QTMAN: variants seen among roughly 807,000 people sequenced by gnomAD.
The protein encoded by QTMAN is tRNA-queuosine alpha-mannosyltransferase.
chr2:144,021,093 A>G, the QTMAN span, among the ~76,000 whole-genome samples: 2 of 152,068 alleles, frequency 1.3e-5, no homozygotes, highest in African/African-American at 4.8e-5. Flanking sequence ...AGAAAAAAAT[A>G]TAAGAAATTT....
the QTMAN span, among the ~76,000 whole-genome samples, chr2:144,105,942 G>A: frequency 1.3e-5 from 2 of 152,258 alleles, no homozygotes; most frequent in South Asian, 2.1e-4. Context: ...AGAGTGGGGG[G>A]CCAATATTCA....
the QTMAN span, among the ~76,000 whole-genome samples, chr2:144,153,186 G>C: frequency 2.0e-5 from 3 of 152,098 alleles, no homozygotes; most frequent in Non-Finnish European, 4.4e-5. Flanking sequence ...TAAGAAGTTT[G>C]TACTTTATCT....
chr2:144,279,290 G>T, the QTMAN span, among the ~76,000 whole-genome samples: 1 of 151,146 alleles, frequency 6.6e-6, no homozygotes, highest in East Asian at 1.9e-4. Context: ...ATGTTTTCCA[G>T]GAAGAGTGAA....
chr2:143,970,869 TG>T, the QTMAN span: 1 of 669,338 alleles, frequency 1.5e-6, no homozygotes, highest in Non-Finnish European at 2.7e-6. Context: ...TACTGCTGGT[TG>T]GGGAGCCTCT....
the QTMAN span, among the ~76,000 whole-genome samples, chr2:144,129,221 AC>A: frequency 2.0e-5 from 3 of 152,040 alleles, no homozygotes; most frequent in African/African-American, 7.2e-5. Flanking sequence ...GCAGATTTGC[AC>A]TGGATTTGAA....
chr2:143,990,051 G>A, the QTMAN span, among the ~76,000 whole-genome samples: 3 of 152,096 alleles, frequency 2.0e-5, no homozygotes, highest in Admixed American at 1.3e-4. Context: ...CAGTGTGGGG[G>A]GCTTGCACAT....
At chr2:144,250,132 T>G in the QTMAN span, among the ~76,000 whole-genome samples, 116 of 144,446 alleles carry the variant, frequency 8.0e-4, no homozygotes, top group African/African-American at 2.7e-3. Context: ...TGTTTTTTTT[T>G]TTTGTTTGTT....
chr2:144,332,397 C>G, the QTMAN span: 1 of 148,608 alleles, frequency 6.7e-6, no homozygotes, highest in Non-Finnish European at 1.5e-5. Context: ...CTCCCCGCCT[C>G]CCCGCTGGCC....
chr2:144,098,607 C>T, the QTMAN span, among the ~76,000 whole-genome samples: 11 of 151,528 alleles, frequency 7.3e-5, no homozygotes, highest in Admixed American at 2.6e-4. Context: ...CCCAGCTACT[C>T]GGGAGGCTGA....
chr2:144,099,492 G>A, the QTMAN span, among the ~76,000 whole-genome samples: 2 of 152,262 alleles, frequency 1.3e-5, no homozygotes, highest in East Asian at 3.9e-4. Flanking sequence ...GGGTATGAGG[G>A]AAAAACAAGT....
the QTMAN span, among the ~76,000 whole-genome samples, chr2:144,207,706 C>T: frequency 6.6e-6 from 1 of 152,128 alleles, no homozygotes; most frequent in Middle Eastern, 3.2e-3. Flanking sequence ...GGAGAATACA[C>T]AGGAATACAT....
At chr2:144,197,346 T>C in the QTMAN span, among the ~76,000 whole-genome samples, 1 of 151,974 alleles carries the variant, frequency 6.6e-6, no homozygotes, top group Non-Finnish European at 1.5e-5. Context: ...TAGATATATG[T>C]ATGTGTGTAT....
chr2:144,274,132 CA>C, the QTMAN span, among the ~76,000 whole-genome samples: 3 of 147,976 alleles, frequency 2.0e-5, no homozygotes, highest in African/African-American at 7.4e-5. Context: ...GACTCCGTCT[CA>C]AAAAAAAAAG....
chr2:144,282,856 AATAG>A, the QTMAN span, among the ~76,000 whole-genome samples: 4 of 152,140 alleles, frequency 2.6e-5, no homozygotes, highest in Non-Finnish European at 1.5e-5. Flanking sequence ...GGGGAAAGGG[AATAG>A]ATAATGAGTT....
At chr2:144,083,254 A>G in the QTMAN span, among the ~76,000 whole-genome samples, 1 of 152,172 alleles carries the variant, frequency 6.6e-6, no homozygotes, top group African/African-American at 2.4e-5. Context: ...CTCTTGAAAT[A>G]CCTTCTTTGG....
At chr2:144,156,460 G>T in the QTMAN span, among the ~76,000 whole-genome samples, 2 of 152,036 alleles carry the variant, frequency 1.3e-5, no homozygotes, top group Non-Finnish European at 2.9e-5. Context: ...AATCAAAGGT[G>T]AGTCTTAGGA....
the QTMAN span, among the ~76,000 whole-genome samples, chr2:144,040,630 A>G: frequency 6.6e-6 from 1 of 152,168 alleles, no homozygotes; most frequent in Non-Finnish European, 1.5e-5. Flanking sequence ...AACTGGAACG[A>G]AAGAAAAGAA....
chr2:144,033,292 G>A, the QTMAN span, among the ~76,000 whole-genome samples: 2 of 152,176 alleles, frequency 1.3e-5, no homozygotes, highest in Non-Finnish European at 2.9e-5. Context: ...CTGACCAACA[G>A]CTATAAATTG....
the QTMAN span, among the ~76,000 whole-genome samples, chr2:143,952,393 T>C: frequency 6.6e-6 from 1 of 151,472 alleles, no homozygotes; most frequent in Non-Finnish European, 1.5e-5. Flanking sequence ...CGTACAACAG[T>C]TGCATATTAT....
Sources: gnomAD v4.1 joint callset for allele counts (sites outside exome capture counted in the v4.1 genomes callset) on GRCh38, gnomAD v4.1.1 for gene constraint, MANE v1.5 for transcripts, NCBI Gene and HGNC (gene_info 2026-07-23, HGNC 2026-07-21) for gene names.